The following OSBPL10 variants were observed in gnomAD, a reference collection of about 807,000 sequenced individuals.
OSBPL10 encodes the protein oxysterol binding protein like 10, also known as oxysterol-binding protein-related protein 10.
OSBPL10 carries 49 observed loss-of-function variants against 81.7 expected under a neutral mutation model. That is an observed-to-expected ratio of 0.60 (90% CI 0.48 to 0.76). The LOEUF is 0.76. OSBPL10 is among the 30% of genes least tolerant of loss of function. OSBPL10 has a pLI of 0.00. For synonymous variants in OSBPL10, 419 were observed against 383.6 expected, an observed-to-expected ratio of 1.09 and a Z score of -1.08; for missense variants, 923 against 987.8, an observed-to-expected ratio of 0.93 and a Z score of 0.88.
intron 1 of OSBPL10, among the ~76,000 whole-genome samples, chr3:31,890,973 G>T (rs1254172532): frequency 1.3e-5 from 2 of 152,056 alleles, no homozygotes; most frequent in Non-Finnish European, 2.9e-5. Context: ...GTAAAAGTGG[G>T]TGAGCAACCC....
At chr3:31,742,091 T>C (rs1015245778) in intron 5 of OSBPL10, among the ~76,000 whole-genome samples, 1 of 152,098 alleles carries the variant, frequency 6.6e-6, no homozygotes, top group Non-Finnish European at 1.5e-5. Flanking sequence ...CTTTTAATCA[T>C]AAAATAAGGA....
intron 3 of OSBPL10, among the ~76,000 whole-genome samples, chr3:31,835,827 C>T (rs1156301172): frequency 6.6e-6 from 1 of 152,090 alleles, no homozygotes; most frequent in Non-Finnish European, 1.5e-5. Context: ...AGTAAATATA[C>T]TTCAAAATCA....
chr3:31,701,071 T>G (rs995581395), intron 7 of OSBPL10, among the ~76,000 whole-genome samples: 1 of 152,198 alleles, frequency 6.6e-6, no homozygotes, highest in African/African-American at 2.4e-5. Context: ...AAGAAAAGAT[T>G]TGTCTGTCAT....
At chr3:31,871,375 C>T (rs568315623) in intron 3 of OSBPL10, among the ~76,000 whole-genome samples, 157 of 152,222 alleles carry the variant, frequency 1.0e-3, no homozygotes, top group African/African-American at 3.5e-3. Flanking sequence ...ACTATGAACC[C>T]ACCAGAAGGA....
chr3:31,945,558 AGT>A (rs1697675921), intron 1 of OSBPL10, among the ~76,000 whole-genome samples: 1 of 152,180 alleles, frequency 6.6e-6, no homozygotes, highest in South Asian at 2.1e-4. Context: ...CTACATCTCT[AGT>A]TTCTCTTGCA....
chr3:31,945,149 C>CAAAAAA (rs71628589), intron 1 of OSBPL10, among the ~76,000 whole-genome samples: 1 of 81,628 alleles, frequency 1.2e-5, no homozygotes, highest in Non-Finnish European at 2.5e-5. Flanking sequence ...GACTCCGTCT[C>CAAAAAA]AAAAAAAAAA....
intron 3 of OSBPL10, among the ~76,000 whole-genome samples, chr3:31,873,226 A>G (rs567812796): frequency 6.6e-6 from 1 of 152,362 alleles, no homozygotes; most frequent in East Asian, 1.9e-4. Flanking sequence ...CTCAATTTAA[A>G]AAAAATGCAA....
intron 1 of OSBPL10, among the ~76,000 whole-genome samples, chr3:31,914,994 T>TCA (rs955757912): frequency 3.9e-5 from 6 of 152,092 alleles, no homozygotes; most frequent in Non-Finnish European, 8.8e-5. Context: ...AGACAGAGTC[T>TCA]CACTCTGTCG....
chr3:31,942,534 CAA>C (rs34915200), intron 1 of OSBPL10, among the ~76,000 whole-genome samples: 4 of 79,742 alleles, frequency 5.0e-5, no homozygotes, highest in African/African-American at 4.9e-5. Flanking sequence ...GACTCCATCT[CAA>C]AAAAAAAAAA....
chr3:31,821,545 A>G (rs528941920), intron 4 of OSBPL10, among the ~76,000 whole-genome samples: 1 of 152,368 alleles, frequency 6.6e-6, no homozygotes, highest in Admixed American at 6.5e-5. Context: ...CTATTGCTTT[A>G]AAAACATTTG....
chr3:31,888,930 A>AAAT lies in OSBPL10; in HGVS notation c.282-9103_282-9101dup, dbSNP rs541130915. ...CAGAGTGAGACTCCATCTCAGGAAA[A>AAAT]AATAATAATAATAATAATAATCTGC... On this transcript the variant is annotated intron_variant, in intron 1 of 11. Coordinates refer to ENST00000396556, the MANE Select transcript of OSBPL10 (RefSeq NM_017784.5). 2.2e-3 allele frequency among the ~76,000 whole-genome samples: 330 copies of AAAT among 151,970 alleles called. 2 individuals are homozygous for AAAT. Among genetic ancestry groups the AAAT allele is most frequent in the East Asian group, 0.014 (72 of 5,172 alleles).
At chr3:31,937,278 CAAA>C (rs757748683) in intron 1 of OSBPL10, among the ~76,000 whole-genome samples, 5 of 89,046 alleles carry the variant, frequency 5.6e-5, no homozygotes, top group Admixed American at 1.3e-4. Context: ...CACTCAGGCT[CAAA>C]AAAAAAAAAA....
intron 4 of OSBPL10, among the ~76,000 whole-genome samples, chr3:31,828,429 T>C (rs193221267): frequency 6.6e-6 from 1 of 152,352 alleles, no homozygotes; most frequent in Admixed American, 6.5e-5. Flanking sequence ...TTTTCCATTA[T>C]ACAATGTTTT....
At chr3:31,784,413 AAAGG>A (rs1056318555) in intron 4 of OSBPL10, among the ~76,000 whole-genome samples, 2 of 151,928 alleles carry the variant, frequency 1.3e-5, no homozygotes, top group African/African-American at 4.8e-5. Context: ...AGGAAAAGGA[AAAGG>A]AAGGAAAGAA....
At chr3:32,022,367 T>A (rs370419042) in intron 2 of OSBPL10, among the ~76,000 whole-genome samples, 1 of 152,148 alleles carries the variant, frequency 6.6e-6, no homozygotes, top group East Asian at 1.9e-4. Context: ...TAAGGGTTTT[T>A]TAGGATGGCG....
At chr3:32,008,581 C>CA (rs200385884) in intron 2 of OSBPL10, among the ~76,000 whole-genome samples, 3,471 of 147,482 alleles carry the variant, frequency 0.024, 126 homozygotes, top group African/African-American at 0.081. Flanking sequence ...AAAAAAAAGA[C>CA]AAAAAAAAAC....
intron 4 of OSBPL10, among the ~76,000 whole-genome samples, chr3:31,748,996 G>A (rs1015493314): frequency 3.3e-5 from 5 of 152,206 alleles, no homozygotes; most frequent in African/African-American, 1.2e-4. Flanking sequence ...AATAATTAGC[G>A]AGTCTAAGAA....
chr3:32,010,881 G>A (rs895743149), intron 2 of OSBPL10, among the ~76,000 whole-genome samples: 1 of 152,244 alleles, frequency 6.6e-6, no homozygotes, highest in African/African-American at 2.4e-5. Context: ...CAAGGTGGCA[G>A]CGAGGCTGGA....
upstream of OSBPL10, chr3:31,986,163 G>C (rs34706964): frequency 0.16 from 25,022 of 152,214 alleles, 2,296 homozygotes; most frequent in South Asian, 0.32. Flanking sequence ...GAGAGAAGCA[G>C]TACAGGTGTT....
Sources: allele counts gnomAD v4.1 joint callset (sites outside exome capture counted in the v4.1 genomes callset), GRCh38; gene constraint gnomAD v4.1.1; transcripts MANE v1.5; gene names NCBI Gene and HGNC (gene_info 2026-07-23, HGNC 2026-07-21).